The following TRAF3IP1 variants were observed in gnomAD, a reference collection of about 807,000 sequenced individuals.
The protein encoded by TRAF3IP1 is intraflagellar transport 54.
A neutral mutation model predicts 89.9 loss-of-function variants in TRAF3IP1; 53 were observed. The ratio of observed to expected loss-of-function variants is 0.59; its 90% CI spans 0.47 to 0.74. TRAF3IP1 has a LOEUF of 0.74. TRAF3IP1 is among the 30% of genes least tolerant of loss of function. The pLI, the probability that TRAF3IP1 is intolerant of heterozygous loss-of-function variation, is 0.00. For synonymous variants in TRAF3IP1, 311 were observed against 322.1 expected, an observed-to-expected ratio of 0.97 and a Z score of 0.37; for missense variants, 806 against 866.1, an observed-to-expected ratio of 0.93 and a Z score of 0.87.
Position 238,320,638 on chromosome 2 carries a change from C to A in TRAF3IP1, c.-25C>A. ...GGCCAGGCCGGCTGAGGGGCGCGGG[C>A]GGCCAGCGGGCGGCGGACGCCGTCA... is the stretch of plus-strand genomic sequence containing the variant. On this transcript the variant is annotated 5_prime_UTR_variant, in exon 1 of 17. Coordinates refer to ENST00000373327, the MANE Select transcript of TRAF3IP1 (RefSeq NM_015650.4). 7.6e-7 allele frequency: 1 copy of A among 1,310,196 alleles called. No individual in the cohort carries two copies. The highest frequency in any genetic ancestry group is 9.9e-7 in the Non-Finnish European group (1 of 1,011,520). The allele number at this position is 1,310,196 out of a possible 1,614,324, so 81.2% of individuals were successfully genotyped here.
intron 15 of TRAF3IP1, among the ~76,000 whole-genome samples, chr2:238,371,045 T>C (rs1320614566): frequency 6.6e-6 from 1 of 152,194 alleles, no homozygotes. Context: ...ACATTTGTCG[T>C]TTGGACAGTA....
At chr2:238,364,325 C>T (rs1275853193) in intron 15 of TRAF3IP1, among the ~76,000 whole-genome samples, 1 of 151,826 alleles carries the variant, frequency 6.6e-6, no homozygotes, top group Non-Finnish European at 1.5e-5. Context: ...TAAGCGTTTT[C>T]TTCATTATCC....
At chr2:238,376,153 A>G (rs1210538228) in intron 15 of TRAF3IP1, among the ~76,000 whole-genome samples, 1 of 152,260 alleles carries the variant, frequency 6.6e-6, no homozygotes, top group Non-Finnish European at 1.5e-5. Context: ...CAGGCAATAT[A>G]TAAATGCATG....
rs555683858 is a variant in TRAF3IP1 at position 238,398,621 on chromosome 2, TAAG to T, written c.1911-130_1911-128del. On this transcript the variant is annotated intron_variant, in intron 16 of 16. Transcript: ENST00000373327. ...TTGGTTGTAGCAGGGGTTGTGAAAA[TAAG>T]AAATAAATATTATCCTTTTCTTTGG... 3.5e-3 allele frequency: 3,841 copies of T among 1,082,976 alleles called. 6 individuals carry two copies. The highest frequency in any genetic ancestry group is 4.1e-3 in the Non-Finnish European group (3,249 of 785,496). 67.1% of individuals were successfully genotyped at this position (1,082,976 alleles called of 1,614,324 possible).
At chr2:238,327,732 A>G (rs1331765693) in intron 3 of TRAF3IP1, among the ~76,000 whole-genome samples, 1 of 151,876 alleles carries the variant, frequency 6.6e-6, no homozygotes, top group Non-Finnish European at 1.5e-5. Context: ...ATGAAACACT[A>G]ACTTCCTCTT....
intron 1 of TRAF3IP1, among the ~76,000 whole-genome samples, chr2:238,322,636 T>G (rs1224713955): frequency 7.2e-6 from 1 of 139,438 alleles, no homozygotes; most frequent in Non-Finnish European, 1.5e-5. Context: ...TGCAGTGAGC[T>G]GTGATTGTAA....
intron 15 of TRAF3IP1, among the ~76,000 whole-genome samples, chr2:238,373,193 A>C (rs1700179562): frequency 6.6e-6 from 1 of 152,190 alleles, no homozygotes; most frequent in Non-Finnish European, 1.5e-5. Flanking sequence ...TGTTTTAGTC[A>C]TGAAGTCCTT....
intron 14 of TRAF3IP1, among the ~76,000 whole-genome samples, chr2:238,354,754 G>C (rs1233696673): frequency 6.6e-6 from 1 of 152,102 alleles, no homozygotes. Context: ...GGGGTCAAAA[G>C]ATTCTCCTGC....
At chr2:238,367,584 G>A (rs928415293) in intron 15 of TRAF3IP1, among the ~76,000 whole-genome samples, 3 of 152,178 alleles carry the variant, frequency 2.0e-5, no homozygotes, top group Non-Finnish European at 2.9e-5. Context: ...GCTCCTCGTG[G>A]GACTGAGCTT....
chr2:238,345,719 G>T lies in TRAF3IP1; in HGVS notation c.1261+1121G>T, dbSNP rs1235929738. ...CTGCTGGCACGTGCTGGGGGAGCTG[G>T]CCTGGAGCGTAGAGGGAAGGCCCAG... On this transcript the variant is annotated intron_variant, in intron 9 of 16. Coordinates refer to ENST00000373327, the MANE Select transcript of TRAF3IP1 (RefSeq NM_015650.4). This position sits in a 1 kb window ranked among gnomAD's most constrained non-coding sequence, Gnocchi z 4.7. Among the ~76,000 whole-genome samples the T allele has an allele frequency of 1.3e-5, 2 of 152,112 alleles. No individual in the cohort carries two copies. The highest frequency in any genetic ancestry group is 2.9e-5 in the Non-Finnish European group (2 of 68,020).
intron 15 of TRAF3IP1, among the ~76,000 whole-genome samples, chr2:238,373,570 G>A (rs989893293): frequency 3.9e-5 from 6 of 152,172 alleles, no homozygotes; most frequent in Admixed American, 6.5e-5. Context: ...GTAGCGTGAT[G>A]CCTCCAGCTT....
At chr2:238,335,402 A>T (rs59400285) in intron 7 of TRAF3IP1, among the ~76,000 whole-genome samples, 18,054 of 152,026 alleles carry the variant, frequency 0.12, 1,844 homozygotes, top group African/African-American at 0.28. Context: ...TGCTCTGTGA[A>T]GCCTTTTGTA....
chr2:238,323,646 T>C (rs1459287315), intron 1 of TRAF3IP1, among the ~76,000 whole-genome samples: 2 of 152,178 alleles, frequency 1.3e-5, no homozygotes, highest in Non-Finnish European at 2.9e-5. Flanking sequence ...AAACATGTCT[T>C]CCCGTAATAA....
At chr2:238,362,831 G>GC (rs1559378692) in intron 15 of TRAF3IP1, among the ~76,000 whole-genome samples, 1 of 152,248 alleles carries the variant, frequency 6.6e-6, no homozygotes, top group African/African-American at 2.4e-5. Context: ...TGCCTCCCTG[G>GC]CTAGAGGCCG....
At chr2:238,337,330 C>T (rs1016163504) in intron 7 of TRAF3IP1, among the ~76,000 whole-genome samples, 1 of 151,982 alleles carries the variant, frequency 6.6e-6, no homozygotes, top group African/African-American at 2.4e-5. Flanking sequence ...GGAGGACATG[C>T]AGGTGTGTGA....
rs747992131 is a variant in TRAF3IP1, at chr2:238,328,989, T to C, written c.562T>C (p.Leu188=). 10 of 1,550,460 alleles carry C rather than the reference T, an allele frequency of 6.4e-6. No individual in the cohort carries two copies. The highest frequency in any genetic ancestry group is 4.8e-5 in the South Asian group (4 of 84,082). The change falls in exon 5 of 17, where the codon TTG becomes CTG. Residue 188 remains leucine, a synonymous_variant. Coordinates refer to ENST00000373327, the MANE Select transcript of TRAF3IP1 (RefSeq NM_015650.4). ...TSRDRKQKEE[L]KEDRKPREKD... is the part of the protein sequence containing the mutation. ...CAGAGATCGAAAACAGAAGGAAGAA[T>C]TGAAAGAAGACCGCAAGCCAAGAGA...
At chr2:238,369,604 C>T (rs1429439486) in intron 15 of TRAF3IP1, among the ~76,000 whole-genome samples, 2 of 151,566 alleles carry the variant, frequency 1.3e-5, no homozygotes, top group Non-Finnish European at 2.9e-5. Flanking sequence ...TGGGCCGAAA[C>T]CTTCCAGAAA....
At chr2:238,392,818 T>C (rs1316627087) in intron 15 of TRAF3IP1, among the ~76,000 whole-genome samples, 1 of 152,150 alleles carries the variant, frequency 6.6e-6, no homozygotes, top group Non-Finnish European at 1.5e-5. Context: ...TCAGGTGATC[T>C]GCCTGCCTCA....
intron 15 of TRAF3IP1, among the ~76,000 whole-genome samples, chr2:238,361,974 G>A (rs1360228141): frequency 6.6e-6 from 1 of 152,160 alleles, no homozygotes; most frequent in Non-Finnish European, 1.5e-5. Flanking sequence ...GAGGCCGCTG[G>A]CTCTCCACCT....
Sources: allele counts gnomAD v4.1 joint callset (sites outside exome capture counted in the v4.1 genomes callset), GRCh38; gene constraint gnomAD v4.1.1; non-coding constraint Gnocchi (gnomAD v3.1); transcripts MANE v1.5; gene names NCBI Gene and HGNC (gene_info 2026-07-23, HGNC 2026-07-21).